Variants in CDYL observed in about 807,000 individuals in gnomAD.
CDYL encodes chromodomain Y like.
CDYL carries 8 observed loss-of-function variants against 47.3 expected under a neutral mutation model. The observed-to-expected ratio is 0.17, with a 90% CI of 0.10 to 0.31. The LOEUF (loss-of-function observed/expected upper bound fraction) is 0.31. CDYL is among the 10% of genes least tolerant of loss of function. The pLI is 1.00. For missense variants in CDYL, 471 were observed against 701.4 expected, an observed-to-expected ratio of 0.67 and a Z score of 3.71; for synonymous variants, 266 against 265.0, an observed-to-expected ratio of 1.00 and a Z score of -0.04.
chr6:4,809,454 G>C (rs1403226441), intron 1 of CDYL, among the ~76,000 whole-genome samples: 2 of 152,242 alleles, frequency 1.3e-5, no homozygotes, highest in Non-Finnish European at 2.9e-5. Context: ...TAGTTTCTTA[G>C]ATGTGGGATT....
At chr6:4,896,723 G>A (rs915682742) in intron 2 of CDYL, among the ~76,000 whole-genome samples, 1 of 152,128 alleles carries the variant, frequency 6.6e-6, no homozygotes, top group African/African-American at 2.4e-5. Flanking sequence ...TTACTTTCTA[G>A]ACTAATTTTA....
At chr6:4,927,062 G>A (rs189151070) in intron 2 of CDYL, among the ~76,000 whole-genome samples, 16 of 152,306 alleles carry the variant, frequency 1.1e-4, no homozygotes, top group African/African-American at 1.7e-4. Flanking sequence ...TCAGGTGCAC[G>A]TGTGCCATAA....
chr6:4,862,510 G>T (rs918303743), intron 1 of CDYL, among the ~76,000 whole-genome samples: 28 of 152,156 alleles, frequency 1.8e-4, no homozygotes, highest in African/African-American at 6.7e-4. Context: ...TTTATTAAAA[G>T]AGTATTCCCT....
At chr6:4,749,817 T>C (rs1464580346) in intron 3 of CDYL, among the ~76,000 whole-genome samples, 1 of 152,208 alleles carries the variant, frequency 6.6e-6, no homozygotes, top group East Asian at 1.9e-4. Context: ...TAGAGTGATA[T>C]AACTTATTTT....
intron 2 of CDYL, among the ~76,000 whole-genome samples, chr6:4,925,409 C>CCT (rs1266274457): frequency 1.8e-5 from 2 of 109,302 alleles, no homozygotes; most frequent in East Asian, 5.6e-4. Context: ...ATTCTTTTTT[C>CCT]TTTTTTTTTT....
At chr6:4,907,436 C>G (rs998288795) in intron 2 of CDYL, among the ~76,000 whole-genome samples, 7 of 152,326 alleles carry the variant, frequency 4.6e-5, no homozygotes, top group African/African-American at 1.7e-4. Flanking sequence ...TCTCAGCTCA[C>G]TGCCGTCTCC....
chr6:4,745,365 T>C (rs1197525736), intron 3 of CDYL, among the ~76,000 whole-genome samples: 2 of 151,912 alleles, frequency 1.3e-5, no homozygotes, highest in Non-Finnish European at 2.9e-5. Context: ...AATGAGAAAA[T>C]AGACCAAGTA....
intron 1 of CDYL, among the ~76,000 whole-genome samples, chr6:4,834,945 CTG>C: frequency 6.6e-6 from 1 of 152,136 alleles, no homozygotes; most frequent in East Asian, 1.9e-4. Context: ...AAGCACTTCT[CTG>C]TATTGGTTAT....
At chr6:4,916,840 G>C (rs978353437) in intron 2 of CDYL, among the ~76,000 whole-genome samples, 17 of 152,128 alleles carry the variant, frequency 1.1e-4, no homozygotes, top group African/African-American at 4.1e-4. Flanking sequence ...ATCCCCTCAT[G>C]CTGGGCAGGT....
intron 3 of CDYL, among the ~76,000 whole-genome samples, chr6:4,741,771 G>A (rs962499950): frequency 1.4e-4 from 22 of 152,190 alleles, no homozygotes; most frequent in African/African-American, 5.1e-4. Flanking sequence ...CTTTGCTAAA[G>A]GAGAAGCAAA....
At chr6:4,893,198 G>C (rs760811202) in intron 2 of CDYL, among the ~76,000 whole-genome samples, 7 of 152,210 alleles carry the variant, frequency 4.6e-5, no homozygotes, top group Non-Finnish European at 1.0e-4. Context: ...TCTTGGACGA[G>C]GGTGGTGTCC....
intron 2 of CDYL, among the ~76,000 whole-genome samples, chr6:4,906,365 C>T (rs936408879): frequency 2.0e-5 from 3 of 152,158 alleles, no homozygotes; most frequent in African/African-American, 7.2e-5. Flanking sequence ...GAGAGCATAA[C>T]GTGAGCATTA....
At chr6:4,868,491 G>C (rs1761383334) in intron 1 of CDYL, among the ~76,000 whole-genome samples, 1 of 151,958 alleles carries the variant, frequency 6.6e-6, no homozygotes, top group African/African-American at 2.4e-5. Flanking sequence ...TTGGTAGTTT[G>C]ACTATTATGT....
chr6:4,747,306 C>CAAAA (rs11481080), intron 3 of CDYL, among the ~76,000 whole-genome samples: 1 of 133,002 alleles, frequency 7.5e-6, no homozygotes, highest in African/African-American at 2.9e-5. Flanking sequence ...GACTTCATCT[C>CAAAA]AAAAAAAAAA....
intron 2 of CDYL, among the ~76,000 whole-genome samples, chr6:4,895,076 T>A (rs932412149): frequency 5.2e-5 from 3 of 58,074 alleles, no homozygotes; most frequent in Non-Finnish European, 2.0e-4. Flanking sequence ...TATATGTATC[T>A]ATATGCACAT....
chr6:4,890,458 G>C (rs1345249778), intron 1 of CDYL, among the ~76,000 whole-genome samples: 1 of 152,162 alleles, frequency 6.6e-6, no homozygotes, highest in Non-Finnish European at 1.5e-5. Context: ...AGGTCTTGCT[G>C]TTCCTAATCC....
chr6:4,850,309 A>C (rs1223529079), intron 1 of CDYL, among the ~76,000 whole-genome samples: 1 of 152,178 alleles, frequency 6.6e-6, no homozygotes, highest in Non-Finnish European at 1.5e-5. Flanking sequence ...GCTATGACTG[A>C]AGAGATGTAG....
At chr6:4,765,919 A>G (rs554603025) in intron 3 of CDYL, among the ~76,000 whole-genome samples, 1 of 152,260 alleles carries the variant, frequency 6.6e-6, no homozygotes, top group South Asian at 2.1e-4. Flanking sequence ...AAAGGAAATA[A>G]TAATGATAGA....
At chr6:4,850,239 T>C (rs1451471269) in intron 1 of CDYL, among the ~76,000 whole-genome samples, 1 of 152,234 alleles carries the variant, frequency 6.6e-6, no homozygotes, top group Non-Finnish European at 1.5e-5. Context: ...GAGTGTCTGC[T>C]AGGCACGAGG....
Sources: allele counts gnomAD v4.1 joint callset (sites outside exome capture counted in the v4.1 genomes callset), GRCh38; gene constraint gnomAD v4.1.1; transcripts MANE v1.5; gene names NCBI Gene and HGNC (gene_info 2026-07-23, HGNC 2026-07-21).